SUPT20H: variants seen among roughly 807,000 people sequenced by gnomAD.
SUPT20H encodes SPT20 homolog, SAGA complex component.
Under a neutral mutation model 122.8 loss-of-function variants are expected in SUPT20H, and 82 were observed. The ratio of observed to expected loss-of-function variants is 0.67; its 90% CI spans 0.56 to 0.80. The LOEUF (loss-of-function observed/expected upper bound fraction) is 0.80, where lower values mean the gene tolerates loss of function less well. Among genes scored for constraint, SUPT20H ranks in the 30% least tolerant of loss-of-function variants. The probability of loss-of-function intolerance (pLI) is 0.00; values close to 1 mark genes in which losing one functional copy is unlikely to be tolerated. For missense variants in SUPT20H, 831 were observed against 921.6 expected (o/e 0.90, Z 1.27); for synonymous variants, 291 against 313.0 (o/e 0.93, Z 0.74).
chr13:37,048,770 T>G (rs1363446297), intron 2 of SUPT20H, among the ~76,000 whole-genome samples, 171 bp from the exon 3 acceptor site: 1 of 151,968 alleles, frequency 6.6e-6, no homozygotes, highest in African/African-American at 2.4e-5. Context: ...AAAATATGAG[T>G]CTTGGGCACC....
intron 9 of SUPT20H, among the ~76,000 whole-genome samples, chr13:37,033,892 CA>C (rs1220208622): frequency 9.8e-5 from 15 of 152,318 alleles, no homozygotes; most frequent in Non-Finnish European, 1.6e-4. Flanking sequence ...ATCATTTTCC[CA>C]ACAGCACACA....
chr13:37,016,613 G>C (rs1593895477), intron 23 of SUPT20H, among the ~76,000 whole-genome samples: 3 of 152,196 alleles, frequency 2.0e-5, no homozygotes, highest in Admixed American at 2.0e-4. Context: ...ATCCAACCAA[G>C]ACCTGACTGG....
rs928622490 is a variant in SUPT20H, at chr13:37,010,820, G to A, written c.2099-165C>T. On this transcript the variant is annotated intron_variant, in intron 24 of 25. Coordinates refer to ENST00000350612, the MANE Select transcript of SUPT20H (RefSeq NM_001014286.3). The stretch of plus-strand genomic sequence containing the variant: ...GAATAAATTTAGTATATGGTCTCCT[G>A]TTAGTTGGGGGTACCACTGATAATG... 7.5e-6 allele frequency: 4 copies of A among 535,158 alleles called. No homozygotes were observed. In the African/African-American group the frequency reaches 7.6e-5, roughly 10 times the overall value. 33.2% of individuals were successfully genotyped at this position (535,158 alleles called of 1,614,324 possible).
At position 37,022,126 on chromosome 13, in the gene SUPT20H, C is replaced by T. The variant is rs757641260; in HGVS notation, c.1592-46G>A. 1 of 1,614,098 alleles carries T rather than the reference C, an allele frequency of 6.2e-7. No individual in the cohort carries two copies. Among genetic ancestry groups the T allele is most frequent in the Non-Finnish European group, 8.5e-7 (1 of 1,179,998 alleles). ...ATGGTGGAAAGAGGAATGGTTGTTACAGGCATTGCCTGGCTCAGAGACCTT... is the reference window on the plus strand; with the variant it reads ...ATGGTGGAAAGAGGAATGGTTGTTATAGGCATTGCCTGGCTCAGAGACCTT... On this transcript the variant is annotated intron_variant, in intron 19 of 25. Coordinates refer to ENST00000350612, the MANE Select transcript of SUPT20H (RefSeq NM_001014286.3). The surrounding 1 kb of genome is among the most constrained non-coding windows in gnomAD (Gnocchi z 4.5).
At chr13:37,044,979 A>C (rs932517206) in intron 6 of SUPT20H, among the ~76,000 whole-genome samples, 2 of 151,876 alleles carry the variant, frequency 1.3e-5, no homozygotes, top group African/African-American at 4.8e-5. Context: ...TGGTTCTGAG[A>C]TGCTTTTATA....
chr13:37,047,786 A>G, intron 4 of SUPT20H, 92 bp downstream of exon 4: 1 of 1,348,722 alleles, frequency 7.4e-7, no homozygotes. Flanking sequence ...AACCTATAAA[A>G]TTTCTAGCTC....
chr13:37,057,654 G>A (rs991506323), intron 1 of SUPT20H, among the ~76,000 whole-genome samples: 14 of 151,974 alleles, frequency 9.2e-5, no homozygotes, highest in African/African-American at 3.4e-4. Flanking sequence ...ACCTGCCTGA[G>A]CAACATGGGG....
rs776673931 is a variant in SUPT20H, at chr13:37,033,597, T to C, written c.568-9A>G. 2 of 1,612,270 alleles carry C rather than the reference T, an allele frequency of 1.2e-6. No individual in the cohort carries two copies. Among genetic ancestry groups the C allele is most frequent in the South Asian group, 1.1e-5 (1 of 90,632 alleles). ...AGCAAAAGTTTGTCTTCCTGAAATG[T>C]GTAAGAGCATATGTCAATACCAGAT... is the stretch of plus-strand genomic sequence containing the variant. On this transcript the variant is annotated splice_polypyrimidine_tract_variant and intron_variant, in intron 9 of 25. Transcript: ENST00000350612.
intron 1 of SUPT20H, among the ~76,000 whole-genome samples, chr13:37,054,353 G>A (rs1228844492): frequency 6.6e-6 from 1 of 152,092 alleles, no homozygotes; most frequent in African/African-American, 2.4e-5. Flanking sequence ...GATGAACATC[G>A]ATGCAAAAAT....
At chr13:37,018,991 C>A (rs1057475512) in intron 22 of SUPT20H, among the ~76,000 whole-genome samples, 1 of 152,002 alleles carries the variant, frequency 6.6e-6, no homozygotes, top group Admixed American at 6.6e-5. Flanking sequence ...CAAAAAAAAA[C>A]CAGTATTACA....
chr13:37,035,498 G>A (rs933356334), intron 9 of SUPT20H, among the ~76,000 whole-genome samples: 1 of 151,750 alleles, frequency 6.6e-6, no homozygotes, highest in African/African-American at 2.4e-5. Flanking sequence ...TGGATGAGTT[G>A]CTTCTTATGG....
At chr13:37,051,750 C>T in intron 1 of SUPT20H, 167 bp from the exon 2 acceptor site, 1 of 363,394 alleles carries the variant, frequency 2.8e-6, no homozygotes, top group Non-Finnish European at 5.0e-6. Context: ...TCATGTACCA[C>T]AACCTATCCA....
At position 37,040,482 on chromosome 13, in the gene SUPT20H, A is replaced by T. The variant is rs1455331881; in HGVS notation, c.514-24T>A. The stretch of plus-strand genomic sequence containing the variant: ...GTCTAGAAGAAATAAAAATTTAAAA[A>T]ACTTATTAATCTATGCACAAACATA... On this transcript the variant is annotated intron_variant, in intron 8 of 25. Transcript: ENST00000350612. 4 of 1,568,726 alleles carry T rather than the reference A, an allele frequency of 2.5e-6. No individual in the cohort carries two copies. The South Asian group carries it at 4.8e-5, about 19-fold the overall frequency.
chr13:37,026,274 T>TAAGGAAAAAAA (rs2062253150), intron 15 of SUPT20H, 38 bp from the exon 16 acceptor site: 5 of 1,396,800 alleles, frequency 3.6e-6, no homozygotes, highest in Non-Finnish European at 4.7e-6. Context: ...AGAAAAGTAT[T>TAAGGAAAAAAA]AGGTAAGAGT....
intron 7 of SUPT20H, among the ~76,000 whole-genome samples, chr13:37,041,755 G>A (rs1201411437): frequency 6.6e-6 from 1 of 152,102 alleles, no homozygotes; most frequent in African/African-American, 2.4e-5. Flanking sequence ...GCACTATCCA[G>A]GTACAGCTTC....
chr13:37,017,662 T>A (rs933333249), intron 22 of SUPT20H, among the ~76,000 whole-genome samples: 1 of 152,218 alleles, frequency 6.6e-6, no homozygotes, highest in Non-Finnish European at 1.5e-5. Context: ...TCACTCTTTT[T>A]ATACATCAAT....
At chr13:37,016,388 C>A (rs1429875029) in intron 23 of SUPT20H, among the ~76,000 whole-genome samples, 4 of 151,078 alleles carry the variant, frequency 2.6e-5, no homozygotes, top group Non-Finnish European at 5.9e-5. Flanking sequence ...CAAGATTGTG[C>A]CATTGCACTC....
chr13:37,012,185 T>C lies in SUPT20H; in HGVS notation c.2098+7A>G, dbSNP rs117343810. Reference sequence around the variant, plus strand: ...AATTCAGCATATAAAGTTATGAAGATACCTACCAGCTGCCTGTGACTGCAT... The same window carrying C: ...AATTCAGCATATAAAGTTATGAAGACACCTACCAGCTGCCTGTGACTGCAT... On this transcript the variant is annotated splice_region_variant and intron_variant, in intron 24 of 25. Transcript: ENST00000350612. 1,339 of 1,604,502 alleles carry C rather than the reference T, an allele frequency of 8.3e-4. 21 individuals are homozygous for C. The East Asian group carries it at 0.022, about 27-fold the overall frequency.
chr13:37,034,070 C>T (rs928957995), intron 9 of SUPT20H, among the ~76,000 whole-genome samples: 1 of 152,182 alleles, frequency 6.6e-6, no homozygotes, highest in Non-Finnish European at 1.5e-5. Flanking sequence ...AGTGTGGGAT[C>T]TCCCCTATCT....
Sources: gnomAD v4.1 joint callset for allele counts (sites outside exome capture counted in the v4.1 genomes callset) on GRCh38, gnomAD v4.1.1 for gene constraint, Gnocchi (gnomAD v3.1) non-coding constraint, MANE v1.5 for transcripts, NCBI Gene and HGNC (gene_info 2026-07-23, HGNC 2026-07-21) for gene names.